The following BSN variants were observed in gnomAD, a reference collection of about 807,000 sequenced individuals.
BSN encodes bassoon presynaptic cytomatrix protein.
BSN carries 57 observed loss-of-function variants against 264.8 expected under a neutral mutation model. The ratio of observed to expected loss-of-function variants is 0.22; its 90% CI spans 0.17 to 0.27. The LOEUF is 0.27. Ranked by LOEUF, BSN falls within the 10% of genes least tolerant of loss-of-function variation. BSN has a pLI of 1.00. For synonymous variants in BSN, 2,059 were observed against 2,137.3 expected, an observed-to-expected ratio of 0.96 and a Z score of 1.01; for missense variants, 4,615 against 5,232.5, an observed-to-expected ratio of 0.88 and a Z score of 3.64.
At position 49,671,333 on chromosome 3, in the gene BSN, CCTT is replaced by C. The variant is rs1445318985; in HGVS notation, c.*3852_*3854del. On this transcript the variant is annotated 3_prime_UTR_variant, in exon 12 of 12. Transcript: ENST00000296452. The surrounding 1 kb of genome is among the most constrained non-coding windows in gnomAD (Gnocchi z 4.1). ...CCTCTCTCCCTTTCTTTCCTTCTCT[CCTT>C]CTTTATTTGAGGGGGGAAGAGTGCT... The C allele has an allele frequency of 6.6e-6, 1 of 152,594 alleles. No homozygotes were observed. The highest frequency in any genetic ancestry group is 1.5e-5 in the Non-Finnish European group (1 of 68,046). The allele number at this position is 152,594 out of a possible 1,614,324, so 9.5% of individuals were successfully genotyped here.
intron 1 of BSN, among the ~76,000 whole-genome samples, chr3:49,614,694 A>T (rs1355010985): frequency 2.0e-5 from 3 of 152,196 alleles, no homozygotes; most frequent in Non-Finnish European, 4.4e-5. Flanking sequence ...AATCTTTCCC[A>T]TGAATCCTTC....
intron 8 of BSN, among the ~76,000 whole-genome samples, chr3:49,664,207 T>C (rs564807821): frequency 6.6e-6 from 1 of 152,244 alleles, no homozygotes; most frequent in East Asian, 1.9e-4. Context: ...TTTTTTTCCC[T>C]TTCTTCTTCT....
intron 1 of BSN, among the ~76,000 whole-genome samples, chr3:49,559,361 G>A (rs2051697483): frequency 6.6e-6 from 1 of 152,100 alleles, no homozygotes; most frequent in Non-Finnish European, 1.5e-5. Context: ...GGCCAATTGA[G>A]TTTAATTTAT....
At chr3:49,658,903 G>A (rs1321717698) in intron 5 of BSN, among the ~76,000 whole-genome samples, 2 of 152,246 alleles carry the variant, frequency 1.3e-5, no homozygotes, top group Admixed American at 6.5e-5. Flanking sequence ...TGAGAATAGA[G>A]GGTTGTGAGG....
chr3:49,594,018 G>A (rs1342225509), intron 1 of BSN, among the ~76,000 whole-genome samples: 1 of 151,818 alleles, frequency 6.6e-6, no homozygotes, highest in Non-Finnish European at 1.5e-5. Flanking sequence ...TAGCCAGGAT[G>A]GTCTCGATCT....
intron 5 of BSN, 110 bp downstream of exon 5, chr3:49,658,306 CAG>C (rs1314349632): frequency 1.2e-5 from 15 of 1,300,716 alleles, no homozygotes; most frequent in Non-Finnish European, 1.5e-5. Context: ...TCTCTGGCCC[CAG>C]AGGCCCAGGG....
chr3:49,624,834 A>C (rs1186531809), intron 1 of BSN, 141 bp from the exon 2 acceptor site: 2 of 760,138 alleles, frequency 2.6e-6, no homozygotes, highest in African/African-American at 3.6e-5. Context: ...AGGACACAGC[A>C]AATGAGGGCC....
chr3:49,662,774 G>T lies in BSN; in HGVS notation c.10718-102G>T, dbSNP rs1575453005. On this transcript the variant is annotated intron_variant, in intron 6 of 11. Transcript: ENST00000296452. ...GCTGGGGGCCTGCTGATCTGCTTGT[G>T]GCTGTGGCACCCACTCTCTTGGTTT... The T allele has an allele frequency of 4.1e-6, 6 of 1,455,676 alleles. No homozygotes were observed. The East Asian group carries it at 1.2e-4, about 28-fold the overall frequency. The allele number at this position is 1,455,676 out of a possible 1,614,324, so 90.2% of individuals were successfully genotyped here.
Position 49,625,277 on chromosome 3 carries a change from C to T in BSN, c.527C>T (p.Ser176Leu), listed in dbSNP as rs747338468. The T allele has an allele frequency of 5.0e-6, 8 of 1,603,254 alleles. No homozygotes were observed. The highest frequency in any genetic ancestry group is 1.7e-5 in the Admixed American group (1 of 58,196). ...ACGCTGTGTCCCATATGCAAGACTT[C>T]GGACCTCACGTCGACCCCCAGCCAG... ...SSTLCPICKT[S>L]DLTSTPSQPN... Residue 176 changes from serine (S) to leucine (L), a missense_variant, in exon 2 of 12, where the codon TCG (serine) becomes TTG (leucine). Coordinates refer to ENST00000296452, the MANE Select transcript of BSN (RefSeq NM_003458.4). This position sits in a 1 kb window ranked among gnomAD's most constrained non-coding sequence, Gnocchi z 4.4.
In BSN at chr3:49,554,785, T is replaced by TGGCCCC. The variant is rs761663390; in HGVS notation, c.198_203dup (p.Pro73_Gly74dup). On this transcript the variant is annotated inframe_insertion, in exon 1 of 12. Transcript: ENST00000296452. Reference sequence around the variant, plus strand: ...GGTCGACCGCGGTACCACCGGTCCCTGGCCCCGGCCCCGGCCCCGGTCCCG... The same window carrying TGGCCCC: ...GGTCGACCGCGGTACCACCGGTCCCTGGCCCCGGCCCCGGCCCCGGCCCCGGTCCCG... 5.9e-5 allele frequency: 72 copies of TGGCCCC among 1,211,396 alleles called. No individual in the cohort carries two copies. Among genetic ancestry groups the TGGCCCC allele is most frequent in the African/African-American group, 9.5e-5 (6 of 62,948 alleles). The allele number at this position is 1,211,396 out of a possible 1,614,324, so 75.0% of individuals were successfully genotyped here.
chr3:49,607,080 A>G (rs555981457), intron 1 of BSN, among the ~76,000 whole-genome samples: 2 of 152,140 alleles, frequency 1.3e-5, no homozygotes, highest in East Asian at 1.9e-4. Flanking sequence ...GGACCTTTGC[A>G]TGAGCTTGGC....
chr3:49,601,302 G>C (rs1018806725), intron 1 of BSN, among the ~76,000 whole-genome samples: 1 of 152,222 alleles, frequency 6.6e-6, no homozygotes. Flanking sequence ...GCAATCGTTA[G>C]AGCCACCTGG....
In BSN at chr3:49,663,602, G is replaced by A. The variant is rs141950704; in HGVS notation, c.11444G>A (p.Ser3815Asn). 1.4e-4 allele frequency: 228 copies of A among 1,608,190 alleles called. No individual in the cohort carries two copies. In the East Asian group the frequency reaches 4.5e-3, roughly 32 times the overall value. Residue 3815 changes from serine (S) to asparagine (N), a missense_variant, in exon 7 of 12, where the codon AGC becomes AAC. Around this residue, in one of 3 missense-constraint regions of BSN, gnomAD observed 3,415 missense variants for 3,866.4 expected, o/e 0.88. Transcript: ENST00000296452. ...PTTRGSAPAA[S>N]QPAGKPQPGP... ...ACCCGGGGCTCAGCCCCTGCTGCCA[G>A]CCAGCCTGCAGGGAAGCCTCAGCCA...
intron 2 of BSN, among the ~76,000 whole-genome samples, chr3:49,635,099 T>C (rs964365787): frequency 6.6e-6 from 1 of 152,058 alleles, no homozygotes; most frequent in African/African-American, 2.4e-5. Context: ...GAGATGGAGA[T>C]AGAGAATTTT....
In BSN at chr3:49,654,117, C is replaced by A. The variant is rs775960610; in HGVS notation, c.4561C>A (p.Pro1521Thr). Reference sequence around the variant, plus strand: ...CCCTGCCTCAGACATGCCACGGAGCCCTGGTGCCCCCACTCCATCACCTAT... The same window carrying A: ...CCCTGCCTCAGACATGCCACGGAGCACTGGTGCCCCCACTCCATCACCTAT... ...PAPASDMPRS[P>T]GAPTPSPMVA... Residue 1521 changes from proline to threonine, a missense_variant, in exon 5 of 12, where the codon CCT (proline) becomes ACT (threonine). Coordinates refer to ENST00000296452, the MANE Select transcript of BSN (RefSeq NM_003458.4). The surrounding 1 kb of genome is among the most constrained non-coding windows in gnomAD (Gnocchi z 4.1). 5.0e-6 allele frequency: 8 copies of A among 1,613,948 alleles called. No individual in the cohort carries two copies. The African/African-American group carries it at 1.1e-4, about 22-fold the overall frequency.
Position 49,662,159 on chromosome 3 carries a change from C to T in BSN, c.10314C>T (p.Gly3438=), listed in dbSNP as rs776540195. ...RDAVEDDRIY[G]GSSRSRAPSA... is the part of the protein sequence containing the mutation. The stretch of plus-strand genomic sequence containing the variant: ...CAGTGGAGGACGACCGCATTTATGG[C>T]GGGAGCAGCCGGTCCCGGGCACCTT... The change falls in exon 6 of 12, where the codon GGC becomes GGT. Residue 3438 remains glycine, a synonymous_variant. Transcript: ENST00000296452. 24 of 1,611,714 alleles carry T rather than the reference C, an allele frequency of 1.5e-5. No homozygotes were observed. Among genetic ancestry groups the T allele is most frequent in the Admixed American group, 5.0e-5 (3 of 60,004 alleles).
intron 1 of BSN, among the ~76,000 whole-genome samples, chr3:49,565,770 C>T (rs184963668): frequency 6.6e-6 from 1 of 152,178 alleles, no homozygotes; most frequent in Non-Finnish European, 1.5e-5. Flanking sequence ...AACCCAATAC[C>T]CAGTCCATAT....
At position 49,653,427 on chromosome 3, in the gene BSN, C is replaced by T. The variant is rs371562949; in HGVS notation, c.3871C>T (p.Leu1291=). 10 of 1,613,884 alleles carry T rather than the reference C, an allele frequency of 6.2e-6. No individual in the cohort carries two copies. In the African/African-American group the frequency reaches 1.2e-4, roughly 19 times the overall value. The change falls in exon 5 of 12, where the codon CTA becomes TTA. Residue 1291 remains leucine, a synonymous_variant. Transcript: ENST00000296452. The surrounding 1 kb of genome is among the most constrained non-coding windows in gnomAD (Gnocchi z 6.3). ...AEDKKKEKQF[L]NAESAYMDPM... ...GGACAAAAAGAAGGAGAAGCAGTTT[C>T]TAAATGCTGAGAGTGCATACATGGA...
At position 49,652,754 on chromosome 3, in the gene BSN, C is replaced by A; in HGVS notation, c.3198C>A (p.Arg1066=). ...AGATGCGGGAGGTGGAGCAGCAGCG[C>A]ATCCGCAGCACGGCCCGCAAGACCC... ...QEKMREVEQQ[R]IRSTARKTRR... is the part of the protein sequence containing the mutation. The change falls in exon 5 of 12, where the codon CGC becomes CGA. Residue 1066 remains arginine (R), a synonymous_variant. Coordinates refer to ENST00000296452, the MANE Select transcript of BSN (RefSeq NM_003458.4). 1 of 1,555,716 alleles carries A rather than the reference C, an allele frequency of 6.4e-7. No individual in the cohort carries two copies. Among genetic ancestry groups the A allele is most frequent in the South Asian group, 1.2e-5 (1 of 80,940 alleles).
Sources: allele counts gnomAD v4.1 joint callset (sites outside exome capture counted in the v4.1 genomes callset), GRCh38; gene constraint gnomAD v4.1.1; regional missense constraint gnomAD v4.1.1; non-coding constraint Gnocchi (gnomAD v3.1); transcripts MANE v1.5; gene names NCBI Gene and HGNC (gene_info 2026-07-23, HGNC 2026-07-21).